Variants in EFCAB13 observed in about 807,000 individuals in gnomAD.
EFCAB13 encodes EF-hand calcium-binding domain-containing protein 13.
A neutral mutation model predicts 110.2 loss-of-function variants in EFCAB13; 91 were observed. The observed-to-expected ratio is 0.83, with a 90% confidence interval of 0.70 to 0.98. The LOEUF (loss-of-function observed/expected upper bound fraction) is 0.98. Ranked by LOEUF, EFCAB13 falls within the 50% of genes least tolerant of loss-of-function variation. The probability of loss-of-function intolerance (pLI) is 0.00; values close to 1 mark genes in which losing one functional copy is unlikely to be tolerated. For missense variants in EFCAB13, 968 were observed against 1,119.4 expected (o/e 0.86, Z 1.93); for synonymous variants, 323 against 369.9 (o/e 0.87, Z 1.45).
intron 13 of EFCAB13, 50 bp downstream of exon 13, chr17:47,377,953 C>A: frequency 6.7e-7 from 1 of 1,493,816 alleles, no homozygotes; most frequent in Non-Finnish European, 9.0e-7. Context: ...ATATTTTTAT[C>A]GGATAGTATT....
At chr17:47,434,285 C>A (rs1250235797) in intron 24 of EFCAB13, among the ~76,000 whole-genome samples, 2 of 151,302 alleles carry the variant, frequency 1.3e-5, no homozygotes, top group Admixed American at 6.6e-5. Context: ...AGAATCGAAT[C>A]AAGAACTCAA....
At chr17:47,417,458 A>G (rs1257722081) in intron 23 of EFCAB13, among the ~76,000 whole-genome samples, 1 of 152,234 alleles carries the variant, frequency 6.6e-6, no homozygotes, top group Non-Finnish European at 1.5e-5. Context: ...ATGTCATAAT[A>G]TAAGTCAAAG....
At chr17:47,375,038 A>G in intron 12 of EFCAB13, 72 bp downstream of exon 12, 1 of 1,419,512 alleles carries the variant, frequency 7.0e-7, no homozygotes, top group East Asian at 2.5e-5. Flanking sequence ...ATTATTAGAT[A>G]GTTGTAAGCA....
chr17:47,348,564 G>T (rs1055682428), intron 9 of EFCAB13, among the ~76,000 whole-genome samples: 1 of 151,580 alleles, frequency 6.6e-6, no homozygotes, highest in African/African-American at 2.4e-5. Context: ...TATTCATATT[G>T]TTGTATACTG....
rs138567967 is a variant in EFCAB13 at position 47,344,234 on chromosome 17, A to G, written c.376A>G (p.Asn126Asp). ...AGAAAACTCTTTATGCAAGTTGCCG[A>G]ATCAGTACAGCGTTCACAAGACTTC... is the stretch of plus-strand genomic sequence containing the variant. The part of the protein sequence containing the change: ...RKENSLCKLP[N>D]QYSVHKTSSP... The change falls in exon 7 of 25, where the codon AAT becomes GAT. Residue 126 changes from asparagine to aspartate, a missense_variant. By Grantham distance (23) the Asn-to-Asp change is conservative (BLOSUM62 1). Transcript: ENST00000331493. 46 of 1,613,362 alleles carry G rather than the reference A, an allele frequency of 2.9e-5. No homozygotes were observed. The African/African-American group carries it at 5.3e-4, about 19-fold the overall frequency.
In EFCAB13 at chr17:47,374,605, G is replaced by C; in HGVS notation, c.1011G>C (p.Lys337Asn). ...SKLPEPSISK[K>N]LNKKSNQYYS... The stretch of plus-strand genomic sequence containing the variant: ...TCCCTGAACCTTCAATATCCAAAAA[G>C]TTAAATAAAAAAAGCAACCAATATT... The change falls in exon 12 of 25, where the codon AAG becomes AAC. Residue 337 changes from lysine to asparagine, a missense_variant. Coordinates refer to ENST00000331493, the MANE Select transcript of EFCAB13 (RefSeq NM_152347.5). 1 of 1,603,370 alleles carries C rather than the reference G, an allele frequency of 6.2e-7. No homozygotes were observed. Among genetic ancestry groups the C allele is most frequent in the Non-Finnish European group, 8.5e-7 (1 of 1,177,390 alleles).
At chr17:47,421,194 G>A (rs1416715985) in intron 23 of EFCAB13, among the ~76,000 whole-genome samples, 1 of 152,026 alleles carries the variant, frequency 6.6e-6, no homozygotes, top group African/African-American at 2.4e-5. Context: ...CGGTTTTGTG[G>A]AATAGAAAGG....
intron 12 of EFCAB13, among the ~76,000 whole-genome samples, chr17:47,375,417 T>A (rs1315148127): frequency 6.6e-6 from 1 of 151,900 alleles, no homozygotes; most frequent in Non-Finnish European, 1.5e-5. Context: ...CCTCAGCCTC[T>A]CATGTAGCTG....
At chr17:47,332,368 TTAATC>T (rs1441315616) in intron 4 of EFCAB13, among the ~76,000 whole-genome samples, 2 of 152,198 alleles carry the variant, frequency 1.3e-5, no homozygotes, top group Admixed American at 6.5e-5. Context: ...ATAGAAATAT[TTAATC>T]TAGCTATTAG....
chr17:47,338,044 A>C (rs1391208297), intron 5 of EFCAB13, among the ~76,000 whole-genome samples: 2 of 152,156 alleles, frequency 1.3e-5, no homozygotes, highest in African/African-American at 4.8e-5. Context: ...TCAGATTAAA[A>C]ATTTATTTTC....
At chr17:47,401,513 T>C (rs1009340466) in intron 17 of EFCAB13, among the ~76,000 whole-genome samples, 8 of 152,118 alleles carry the variant, frequency 5.3e-5, no homozygotes, top group Admixed American at 4.6e-4. Context: ...CTTCAAACAA[T>C]TGAAAGACAA....
intron 5 of EFCAB13, among the ~76,000 whole-genome samples, chr17:47,338,127 A>G (rs1208051680): frequency 1.3e-5 from 2 of 152,202 alleles, no homozygotes; most frequent in Non-Finnish European, 2.9e-5. Flanking sequence ...TATATTAGAA[A>G]TAAGAAGGCT....
intron 18 of EFCAB13, 113 bp from the exon 19 acceptor site, chr17:47,403,765 G>A: frequency 1.1e-6 from 1 of 903,394 alleles, no homozygotes; most frequent in Non-Finnish European, 1.5e-6. Flanking sequence ...ATTTCTCTCT[G>A]AGATTTCTTA....
At chr17:47,425,107 C>T (rs1056805645) in intron 23 of EFCAB13, among the ~76,000 whole-genome samples, 6 of 151,026 alleles carry the variant, frequency 4.0e-5, no homozygotes, top group East Asian at 1.9e-4. Context: ...TGGTCTCGAT[C>T]TCCTGACCTC....
intron 24 of EFCAB13, among the ~76,000 whole-genome samples, chr17:47,436,091 G>A (rs1048567595): frequency 1.3e-5 from 2 of 152,100 alleles, no homozygotes; most frequent in African/African-American, 4.8e-5. Context: ...ACTTGCATAT[G>A]TTAAACTATC....
intron 9 of EFCAB13, among the ~76,000 whole-genome samples, chr17:47,349,412 A>T (rs2065435649): frequency 6.6e-6 from 1 of 152,230 alleles, no homozygotes; most frequent in Non-Finnish European, 1.5e-5. Flanking sequence ...TATAAAAATT[A>T]GTCTTGAGCA....
chr17:47,392,645 AAAG>A (rs1432708125), intron 15 of EFCAB13, among the ~76,000 whole-genome samples: 1 of 152,174 alleles, frequency 6.6e-6, no homozygotes, highest in Non-Finnish European at 1.5e-5. Flanking sequence ...ATAACTGGGG[AAAG>A]AAGGACCATT....
chr17:47,344,219 T>C lies in EFCAB13; in HGVS notation c.361T>C (p.Leu121=), dbSNP rs1190917616. Residue 121 remains leucine (L), a synonymous_variant, in exon 7 of 25, where the codon TTA becomes CTA. Coordinates refer to ENST00000331493, the MANE Select transcript of EFCAB13 (RefSeq NM_152347.5). The part of the protein sequence containing the change: ...KEKVTRKENS[L]CKLPNQYSVH... ...GAAGGTGACAAGGAAAGAAAACTCT[T>C]TATGCAAGTTGCCGAATCAGTACAG... 1.9e-6 allele frequency: 3 copies of C among 1,613,122 alleles called. No homozygotes were observed. The highest frequency in any genetic ancestry group is 2.5e-6 in the Non-Finnish European group (3 of 1,179,378).
At chr17:47,349,029 A>T (rs2065433664) in intron 9 of EFCAB13, among the ~76,000 whole-genome samples, 1 of 152,214 alleles carries the variant, frequency 6.6e-6, no homozygotes, top group Admixed American at 6.5e-5. Flanking sequence ...TAGTTCATTA[A>T]AATTTGGACA....
Sources: gnomAD v4.1 joint callset for allele counts (sites outside exome capture counted in the v4.1 genomes callset) on GRCh38, gnomAD v4.1.1 for gene constraint, MANE v1.5 for transcripts, NCBI Gene and HGNC (gene_info 2026-07-23, HGNC 2026-07-21) for gene names.